DOK7: variants seen among roughly 807,000 people sequenced by gnomAD.
DOK7 encodes docking protein 7, also known as protein Dok-7.
A neutral mutation model predicts 30.7 loss-of-function variants in DOK7; 32 were observed. The ratio of observed to expected loss-of-function variants is 1.04; its 90% CI spans 0.79 to 1.40. The LOEUF is 1.40. DOK7 is among the 40% of genes most tolerant of loss of function. The pLI, the probability that DOK7 is intolerant of heterozygous loss-of-function variation, is 0.00. For missense variants in DOK7, 1,007 were observed against 699.2 expected (o/e 1.44, Z -4.97); for synonymous variants, 447 against 324.1 (o/e 1.38, Z -4.07).
At chr4:3,495,410 G>T (rs986898233), downstream of DOK7, among the ~76,000 whole-genome samples, 3 of 152,256 alleles carry the variant, frequency 2.0e-5, no homozygotes, top group African/African-American at 7.2e-5. Context: ...GATGGGACCA[G>T]ACTGAAGCAC....
chr4:3,467,947 C>T (rs1237071200), intron 2 of DOK7, among the ~76,000 whole-genome samples: 1 of 152,204 alleles, frequency 6.6e-6, no homozygotes, highest in African/African-American at 2.4e-5. Flanking sequence ...TGAGGCTCCA[C>T]CCTGATGACC....
chr4:3,490,730 A>ATTCC (rs1315489468), intron 6 of DOK7, among the ~76,000 whole-genome samples: 3 of 63,686 alleles, frequency 4.7e-5, no homozygotes, highest in African/African-American at 7.1e-5. Context: ...CCCCCCACTC[A>ATTCC]TTCCTTCCTT....
In DOK7 at chr4:3,463,341, G is replaced by A. The variant is rs754565565; in HGVS notation, c.-35G>A. On this transcript the variant is annotated 5_prime_UTR_variant, in exon 1 of 7. Transcript: ENST00000340083. Reference sequence around the variant, plus strand: ...GAAAGTGACCCTGGGCTGGGGCGCCGGGGCGAGCGCGGCGGCGCGGAACCA... The same window carrying A: ...GAAAGTGACCCTGGGCTGGGGCGCCAGGGCGAGCGCGGCGGCGCGGAACCA... 5.5e-6 allele frequency: 8 copies of A among 1,442,770 alleles called. No individual in the cohort carries two copies. The highest frequency in any genetic ancestry group is 4.4e-5 in the South Asian group (3 of 67,458). 89.4% of individuals were successfully genotyped at this position (1,442,770 alleles called of 1,614,324 possible).
chr4:3,471,809 C>A (rs905170967), intron 2 of DOK7, among the ~76,000 whole-genome samples: 1 of 152,206 alleles, frequency 6.6e-6, no homozygotes, highest in South Asian at 2.1e-4. Flanking sequence ...TCTGTAGGTG[C>A]GGGAATGAGG....
At chr4:3,488,570 G>C (rs1165121683) in intron 5 of DOK7, among the ~76,000 whole-genome samples, 1 of 152,254 alleles carries the variant, frequency 6.6e-6, no homozygotes, top group Non-Finnish European at 1.5e-5. Flanking sequence ...AGGTGTCCCA[G>C]GCTGGGGACT....
rs538206135 is a variant in DOK7, at chr4:3,466,504, C to T, written c.100+2953C>T. Among the ~76,000 whole-genome samples the T allele has an allele frequency of 6.6e-5, 10 of 152,320 alleles. No homozygotes were observed. The South Asian group carries it at 1.7e-3, about 25-fold the overall frequency. On this transcript the variant is annotated intron_variant, in intron 2 of 6. Transcript: ENST00000340083. ...GCCTCCTGGTGGTGGATTTCCTGTG[C>T]GTCTGGCTCCTGCCCCAACGGACTG...
rs575114556 is a variant in DOK7 at position 3,466,634 on chromosome 4, C to T, written c.100+3083C>T. Among the ~76,000 whole-genome samples, 73 of 152,350 alleles carry T rather than the reference C, an allele frequency of 4.8e-4. 1 individual carries two copies. The East Asian group carries it at 0.012, about 25-fold the overall frequency. ...CAGGGCGACCTTCCCTCAGCCCCCGCGTCAGGACAGGGAATCAGAGAGCTG... is the reference window on the plus strand; with the variant it reads ...CAGGGCGACCTTCCCTCAGCCCCCGTGTCAGGACAGGGAATCAGAGAGCTG... On this transcript the variant is annotated intron_variant, in intron 2 of 6. Coordinates refer to ENST00000340083, the MANE Select transcript of DOK7 (RefSeq NM_173660.5).
At chr4:3,500,511 CCTACAG>C (rs1729137892) in intron 7 of DOK7, 1 of 1,481,346 alleles carries the variant, frequency 6.8e-7, no homozygotes, top group African/African-American at 1.4e-5. Flanking sequence ...GGGAGCTTTT[CCTACAG>C]CCTCCCCCCA....
In DOK7 at chr4:3,494,073, G is replaced by C; in HGVS notation, c.*572G>C. The C allele has an allele frequency of 2.0e-6, 2 of 986,900 alleles. No homozygotes were observed. The highest frequency in any genetic ancestry group is 2.4e-6 in the Non-Finnish European group (2 of 831,062). 61.1% of individuals were successfully genotyped at this position (986,900 alleles called of 1,614,324 possible). On this transcript the variant is annotated 3_prime_UTR_variant, in exon 7 of 7. Coordinates refer to ENST00000340083, the MANE Select transcript of DOK7 (RefSeq NM_173660.5). ...AGCTCAGGAGGCTGTGTGGCTTGCG[G>C]GGTCTCTGGGTTCTGGGCCCCACTG... is the stretch of plus-strand genomic sequence containing the variant.
Position 3,493,730 on chromosome 4 carries a change from G to C in DOK7, c.*229G>C, listed in dbSNP as rs1369287725. On this transcript the variant is annotated 3_prime_UTR_variant, in exon 7 of 7. Transcript: ENST00000340083. ...AGGGGCTCTGGGTCCGGCAGGTCGG[G>C]GTCACCAGAGCCCCAATGCTCAGCT... 2.1e-6 allele frequency: 3 copies of C among 1,422,720 alleles called. No homozygotes were observed. Among genetic ancestry groups the C allele is most frequent in the Non-Finnish European group, 2.7e-6 (3 of 1,092,806 alleles). 88.1% of individuals were successfully genotyped at this position (1,422,720 alleles called of 1,614,324 possible).
intron 4 of DOK7, 58 bp downstream of exon 4, chr4:3,476,600 A>C: frequency 6.2e-6 from 10 of 1,606,324 alleles, no homozygotes; most frequent in Non-Finnish European, 8.5e-6. Flanking sequence ...TTCCCCTGAG[A>C]ACTGCTGGCT....
intron 6 of DOK7, among the ~76,000 whole-genome samples, chr4:3,490,746 T>C (rs1370085138): frequency 2.1e-5 from 2 of 97,420 alleles, no homozygotes; most frequent in Non-Finnish European, 2.0e-5. Flanking sequence ...TCCTTCCTTC[T>C]TCCTCCTGCT....
chr4:3,491,213 ATTCC>A (rs1424099120), intron 6 of DOK7, among the ~76,000 whole-genome samples: 2 of 55,722 alleles, frequency 3.6e-5, no homozygotes, highest in Admixed American at 6.2e-4. Flanking sequence ...CCCCCTGCTC[ATTCC>A]TTCCTTCTCC....
At chr4:3,497,401 T>C (rs1338412569), downstream of DOK7, among the ~76,000 whole-genome samples, 5 of 150,914 alleles carry the variant, frequency 3.3e-5, no homozygotes, top group Admixed American at 3.3e-4. Flanking sequence ...TGGGGCCAGG[T>C]TGGGAGGGAG....
rs776760690 is a variant in DOK7, at chr4:3,476,448, G to A, written c.438G>A (p.Pro146=). 10 of 1,613,552 alleles carry A rather than the reference G, an allele frequency of 6.2e-6. No homozygotes were observed. The highest frequency in any genetic ancestry group is 2.7e-5 in the African/African-American group (2 of 74,846). The change falls in exon 4 of 7, where the codon CCG becomes CCA. Residue 146 remains proline, a synonymous_variant. Transcript: ENST00000340083. ...DVLVLARDIP[P]AVTGQWKLSD... is the part of the protein sequence containing the mutation. ...TCGTCTTGGCCAGGGACATCCCCCC[G>A]GCTGTCACGGGGCAGTGGAAGCTGT... is the stretch of plus-strand genomic sequence containing the variant.
intron 2 of DOK7, among the ~76,000 whole-genome samples, chr4:3,469,037 T>C: frequency 6.8e-6 from 1 of 147,972 alleles, no homozygotes; most frequent in East Asian, 2.0e-4. Flanking sequence ...TGTATGTGTA[T>C]GAGTGTGCAT....
At chr4:3,490,946 C>T (rs1482573977) in intron 6 of DOK7, among the ~76,000 whole-genome samples, 2 of 145,152 alleles carry the variant, frequency 1.4e-5, no homozygotes, top group Non-Finnish European at 3.0e-5. Context: ...CCTGCTCATT[C>T]ATTCCTTCTC....
chr4:3,492,982 C>T lies in DOK7; in HGVS notation c.996C>T (p.Arg332=), dbSNP rs781199587. The change falls in exon 7 of 7, where the codon CGC becomes CGT. Residue 332 remains arginine (R), a synonymous_variant. Coordinates refer to ENST00000340083, the MANE Select transcript of DOK7 (RefSeq NM_173660.5). The part of the protein sequence containing the change: ...LRPRQLQEVG[R]QSSSDSGIAT... ...CGCGGCAGCTGCAGGAGGTTGGCCG[C>T]CAGAGCTCCTCGGACAGCGGCATCG... 10 of 1,555,952 alleles carry T rather than the reference C, an allele frequency of 6.4e-6. No individual in the cohort carries two copies. In the East Asian group the frequency reaches 1.4e-4, roughly 22 times the overall value.
At chr4:3,465,233 C>A (rs1309607404) in intron 2 of DOK7, among the ~76,000 whole-genome samples, 1 of 152,174 alleles carries the variant, frequency 6.6e-6, no homozygotes, top group Non-Finnish European at 1.5e-5. Context: ...GTTCTCACGC[C>A]CACCTCCCCA....
Sources: allele counts gnomAD v4.1 joint callset (sites outside exome capture counted in the v4.1 genomes callset), GRCh38; gene constraint gnomAD v4.1.1; transcripts MANE v1.5; gene names NCBI Gene and HGNC (gene_info 2026-07-23, HGNC 2026-07-21).